Variants in ITGAV observed in about 807,000 individuals in gnomAD.
ITGAV encodes the protein integrin subunit alpha V.
A neutral mutation model predicts 143.8 loss-of-function variants in ITGAV; 76 were observed. The ratio of observed to expected loss-of-function variants is 0.53; its 90% CI spans 0.44 to 0.64. The LOEUF (loss-of-function observed/expected upper bound fraction) is 0.64, where lower values mean the gene tolerates loss of function less well. Ranked by LOEUF, ITGAV falls within the 30% of genes least tolerant of loss-of-function variation. The pLI is 0.00. For missense variants in ITGAV, 1,193 were observed against 1,274.7 expected (o/e 0.94, Z 0.98); for synonymous variants, 453 against 446.7 (o/e 1.01, Z -0.18).
chr2:186,643,123 C>T (rs1199325167), intron 12 of ITGAV, among the ~76,000 whole-genome samples: 1 of 152,174 alleles, frequency 6.6e-6, no homozygotes, highest in Non-Finnish European at 1.5e-5. Flanking sequence ...TTCTGGGAAG[C>T]CTGGTCATGT....
At chr2:186,666,853 T>C in intron 22 of ITGAV, 70 bp downstream of exon 22, 1 of 762,334 alleles carries the variant, frequency 1.3e-6, no homozygotes, top group Non-Finnish European at 2.0e-6. Flanking sequence ...TACTATGTAA[T>C]ATACTTTAAA....
At chr2:186,626,626 T>C (rs1478476079) in intron 4 of ITGAV, among the ~76,000 whole-genome samples, 1 of 152,236 alleles carries the variant, frequency 6.6e-6, no homozygotes, top group African/African-American at 2.4e-5. Flanking sequence ...TAGTTGAACC[T>C]ACAGGAAACT....
In ITGAV at chr2:186,680,142, C is replaced by G. The variant is rs1421328797; in HGVS notation, c.*2850C>G. The G allele has an allele frequency of 6.6e-6, 1 of 152,070 alleles. No individual in the cohort carries two copies. The highest frequency in any genetic ancestry group is 2.4e-5 in the African/African-American group (1 of 41,442). The allele number at this position is 152,070 out of a possible 1,614,324, so 9.4% of individuals were successfully genotyped here. A position where few individuals can be genotyped will look rare whatever the true frequency, so the allele number is the denominator to read the frequency against. ...GCTTGGTGGAGAAGAATGAGTCGTTCTTGGAATACCTATGTGCAGCCACTA... is the reference window on the plus strand; with the variant it reads ...GCTTGGTGGAGAAGAATGAGTCGTTGTTGGAATACCTATGTGCAGCCACTA... On this transcript the variant is annotated 3_prime_UTR_variant, in exon 30 of 30. Coordinates refer to ENST00000261023, the MANE Select transcript of ITGAV (RefSeq NM_002210.5).
At chr2:186,668,186 A>ATATATGTG (rs200201282) in intron 24 of ITGAV, among the ~76,000 whole-genome samples, 7 of 13,172 alleles carry the variant, frequency 5.3e-4, no homozygotes, top group South Asian at 5.1e-3. Context: ...ACATACATAC[A>ATATATGTG]TATATATATA....
chr2:186,676,058 A>G, intron 28 of ITGAV, 131 bp downstream of exon 28: 1 of 618,132 alleles, frequency 1.6e-6, no homozygotes, highest in Admixed American at 3.1e-5. Flanking sequence ...ATATGATAGC[A>G]TTATAACCTA....
rs776044058 is a variant in ITGAV, at chr2:186,652,016, G to A, written c.1432G>A (p.Glu478Lys). The A allele has an allele frequency of 1.2e-6, 2 of 1,613,360 alleles. No homozygotes were observed. The highest frequency in any genetic ancestry group is 1.3e-5 in the African/African-American group (1 of 75,032). The change falls in exon 15 of 30, where the codon GAA becomes AAA. Residue 478 changes from glutamate (E) to lysine (K), a missense_variant. Transcript: ENST00000261023. The part of the protein sequence containing the change: ...RPVITVNAGL[E>K]VYPSILNQDN... ...AGTTATCACTGTAAATGCTGGTCTT[G>A]AAGTGTACCCTAGCATTTTAAATCA...
chr2:186,676,717 G>GA, intron 28 of ITGAV, 96 bp from the exon 29 acceptor site: 1 of 1,296,538 alleles, frequency 7.7e-7, no homozygotes, highest in South Asian at 1.6e-5. Context: ...AGAATATACT[G>GA]TGAATTCCAT....
intron 4 of ITGAV, among the ~76,000 whole-genome samples, chr2:186,629,620 T>C (rs10190423): frequency 0.024 from 3,638 of 152,112 alleles, 148 homozygotes; most frequent in African/African-American, 0.083. Flanking sequence ...GTGTAATCTT[T>C]GGGCAGTTTC....
Position 186,641,443 on chromosome 2 carries a change from A to C in ITGAV, c.1014A>C (p.Lys338Asn). 6.8e-6 allele frequency: 11 copies of C among 1,614,086 alleles called. No individual in the cohort carries two copies. Among genetic ancestry groups the C allele is most frequent in the Non-Finnish European group, 9.3e-6 (11 of 1,180,018 alleles). The change falls in exon 12 of 30, where the codon AAA (lysine) becomes AAC (asparagine). Residue 338 changes from lysine to asparagine, a missense_variant. Coordinates refer to ENST00000261023, the MANE Select transcript of ITGAV (RefSeq NM_002210.5). ...TCATGGATCGTGGCTCTGATGGCAA[A>C]CTCCAAGAGGTGGGGCAGGTCTCAG... ...PLFMDRGSDG[K>N]LQEVGQVSVS... is the part of the protein sequence containing the mutation.
chr2:186,627,382 TC>T (rs1574476006), intron 4 of ITGAV, among the ~76,000 whole-genome samples: 1 of 152,234 alleles, frequency 6.6e-6, no homozygotes, highest in East Asian at 1.9e-4. Flanking sequence ...GTTTTCCATT[TC>T]AGTTGCTTCT....
At chr2:186,634,395 T>G (rs2105702176) in intron 6 of ITGAV, among the ~76,000 whole-genome samples, 1 of 152,332 alleles carries the variant, frequency 6.6e-6, no homozygotes, top group East Asian at 1.9e-4. Context: ...TTGACTGGAT[T>G]GATTTGAAAG....
At chr2:186,612,014 G>A (rs1025425731) in intron 2 of ITGAV, among the ~76,000 whole-genome samples, 2 of 152,156 alleles carry the variant, frequency 1.3e-5, no homozygotes, top group Non-Finnish European at 2.9e-5. Flanking sequence ...GCATTATACC[G>A]GTGAAGAAAG....
intron 25 of ITGAV, 128 bp downstream of exon 25, chr2:186,669,048 G>A: frequency 1.3e-6 from 1 of 755,336 alleles, no homozygotes; most frequent in Non-Finnish European, 2.1e-6. Context: ...AAATGGTTTA[G>A]TTCATAAGCA....
chr2:186,623,610 T>TC (rs1687593543), intron 3 of ITGAV, among the ~76,000 whole-genome samples: 1 of 152,204 alleles, frequency 6.6e-6, no homozygotes, highest in African/African-American at 2.4e-5. Flanking sequence ...CTTTTAATTC[T>TC]CCCTGGATCC....
In ITGAV at chr2:186,669,830, A is replaced by C; in HGVS notation, c.2706+16A>C. On this transcript the variant is annotated intron_variant, in intron 26 of 29. Transcript: ENST00000261023. The stretch of plus-strand genomic sequence containing the variant: ...TCACACTTTGGTAAGTGCCATTTCA[A>C]ATATGTGCACCATAGACATTTAAAA... 6.7e-7 allele frequency: 1 copy of C among 1,493,404 alleles called. No homozygotes were observed. Among genetic ancestry groups the C allele is most frequent in the South Asian group, 1.1e-5 (1 of 88,416 alleles). 92.5% of individuals were successfully genotyped at this position (1,493,404 alleles called of 1,614,324 possible).
intron 4 of ITGAV, among the ~76,000 whole-genome samples, chr2:186,628,651 T>C (rs1262543968): frequency 1.3e-5 from 2 of 152,134 alleles, no homozygotes; most frequent in South Asian, 2.1e-4. Context: ...AATATACTTA[T>C]CATTTCCTGA....
In ITGAV at chr2:186,600,292, C is replaced by A. The variant is rs537603061; in HGVS notation, c.186-1729C>A. The stretch of plus-strand genomic sequence containing the variant: ...TTCCCTCCATCTCTTCATTCCACTT[C>A]CCTCATCCCCACCCCCCACTCCCCT... On this transcript the variant is annotated intron_variant, in intron 1 of 29. Coordinates refer to ENST00000261023, the MANE Select transcript of ITGAV (RefSeq NM_002210.5). 4.6e-6 allele frequency: 7 copies of A among 1,525,492 alleles called. No individual in the cohort carries two copies. The African/African-American group carries it at 6.9e-5, about 15-fold the overall frequency. The allele number at this position is 1,525,492 out of a possible 1,614,324, so 94.5% of individuals were successfully genotyped here. A position where few individuals can be genotyped will look rare whatever the true frequency, so the allele number is the denominator to read the frequency against.
At chr2:186,602,219 T>G in intron 2 of ITGAV, 68 bp downstream of exon 2, 2 of 1,371,984 alleles carry the variant, frequency 1.5e-6, no homozygotes, top group Non-Finnish European at 2.0e-6. Flanking sequence ...TTGGTTTAGT[T>G]TAAATGTAGC....
Position 186,680,615 on chromosome 2 carries a change from A to T in ITGAV, c.*3323A>T, listed in dbSNP as rs201055405. On this transcript the variant is annotated 3_prime_UTR_variant, in exon 30 of 30. Transcript: ENST00000261023. ...TTTACCCCTAAATGGTCCATTCTGC[A>T]TTGTATTTCAGGCTGGAAATGAATT... 3 of 152,594 alleles carry T rather than the reference A, an allele frequency of 2.0e-5. No individual in the cohort carries two copies. The highest frequency in any genetic ancestry group is 4.4e-5 in the Non-Finnish European group (3 of 67,996). 9.5% of individuals were successfully genotyped at this position (152,594 alleles called of 1,614,324 possible). A position where few individuals can be genotyped will look rare whatever the true frequency, so the allele number is the denominator to read the frequency against.
Sources: gnomAD v4.1 joint callset for allele counts (sites outside exome capture counted in the v4.1 genomes callset) on GRCh38, gnomAD v4.1.1 for gene constraint, MANE v1.5 for transcripts, NCBI Gene and HGNC (gene_info 2026-07-23, HGNC 2026-07-21) for gene names.